The following HMGCLL1 variants were observed in gnomAD, a reference collection of about 807,000 sequenced individuals.
HMGCLL1 encodes 3-hydroxy-3-methylglutaryl-CoA lyase like 1, also known as 3-hydroxymethyl-3-methylglutaryl-CoA lyase, cytoplasmic.
In HMGCLL1, 36 loss-of-function variants were observed where a neutral mutation model predicts 39.1. The ratio of observed to expected loss-of-function variants is 0.92; its 90% CI spans 0.71 to 1.22. The LOEUF (loss-of-function observed/expected upper bound fraction) is 1.22, where lower values mean the gene tolerates loss of function less well. HMGCLL1 is among the 50% of genes most tolerant of loss of function. HMGCLL1 has a pLI of 0.00. For synonymous variants in HMGCLL1, 149 were observed against 144.0 expected, an observed-to-expected ratio of 1.03 and a Z score of -0.25; for missense variants, 451 against 416.5, an observed-to-expected ratio of 1.08 and a Z score of -0.72.
the HMGCLL1 span, among the ~76,000 whole-genome samples, chr6:55,602,243 T>C: frequency 6.6e-6 from 1 of 152,156 alleles, no homozygotes; most frequent in Non-Finnish European, 1.5e-5. Flanking sequence ...CTCATAGATC[T>C]TGTAGCTTGA....
At chr6:55,532,241 G>A (rs1768725796) in intron 3 of HMGCLL1, among the ~76,000 whole-genome samples, 2 of 152,098 alleles carry the variant, frequency 1.3e-5, no homozygotes, top group Non-Finnish European at 1.5e-5. Flanking sequence ...TAATCTTCGA[G>A]TATAATACTT....
the HMGCLL1 span, among the ~76,000 whole-genome samples, chr6:55,653,248 C>T: frequency 6.6e-6 from 1 of 151,922 alleles, no homozygotes; most frequent in African/African-American, 2.4e-5. Context: ...AAAGTTCTTC[C>T]CCAGTATTTT....
At chr6:55,623,623 G>GATATATACATAT in the HMGCLL1 span, among the ~76,000 whole-genome samples, 1 of 150,106 alleles carries the variant, frequency 6.7e-6, no homozygotes, top group Non-Finnish European at 1.5e-5. Context: ...GCCGAAGAGA[G>GATATATACATAT]ATATATACAT....
chr6:55,559,419 T>A (rs1413344520), intron 1 of HMGCLL1, among the ~76,000 whole-genome samples: 1 of 152,116 alleles, frequency 6.6e-6, no homozygotes, highest in Admixed American at 6.6e-5. Context: ...CATCCCCACA[T>A]CTGAGTGTGA....
the HMGCLL1 span, among the ~76,000 whole-genome samples, chr6:55,587,893 G>A: frequency 6.6e-6 from 1 of 152,114 alleles, no homozygotes; most frequent in South Asian, 2.1e-4. Flanking sequence ...GGAGCACCCA[G>A]ATTCATAAAG....
chr6:55,526,805 T>A (rs1461787305), intron 3 of HMGCLL1, among the ~76,000 whole-genome samples: 2 of 152,120 alleles, frequency 1.3e-5, no homozygotes, highest in East Asian at 3.9e-4. Context: ...TTCAGGCCCA[T>A]AAAATGGGGA....
intron 8 of HMGCLL1, among the ~76,000 whole-genome samples, chr6:55,436,766 A>T (rs1272822034): frequency 1.3e-5 from 2 of 152,052 alleles, no homozygotes; most frequent in African/African-American, 4.8e-5. Context: ...TAGAAATTGG[A>T]GACATTTCGA....
At chr6:55,656,072 C>T in the HMGCLL1 span, among the ~76,000 whole-genome samples, 5 of 151,960 alleles carry the variant, frequency 3.3e-5, no homozygotes, top group Non-Finnish European at 4.4e-5. Flanking sequence ...CTCTACTGAA[C>T]TCATGATTTA....
the HMGCLL1 span, among the ~76,000 whole-genome samples, chr6:55,627,049 G>GAAAAAAAAAAAA: frequency 1.0e-4 from 9 of 85,812 alleles, no homozygotes; most frequent in Non-Finnish European, 6.5e-5. Flanking sequence ...CACTCCACCA[G>GAAAAAAAAAAAA]AAAAAAAAAA....
At chr6:55,470,803 G>T (rs755461112) in intron 7 of HMGCLL1, among the ~76,000 whole-genome samples, 8 of 151,642 alleles carry the variant, frequency 5.3e-5, no homozygotes, top group Non-Finnish European at 1.0e-4. Context: ...GGGAAGCAAG[G>T]CACATCTTAT....
intron 3 of HMGCLL1, among the ~76,000 whole-genome samples, chr6:55,533,609 G>A (rs1450336595): frequency 2.6e-5 from 4 of 152,020 alleles, no homozygotes; most frequent in Admixed American, 2.0e-4. Flanking sequence ...AGACTCGGCC[G>A]GGCGCGGTGG....
chr6:55,499,734 T>G (rs1466665604), intron 5 of HMGCLL1, among the ~76,000 whole-genome samples: 2 of 152,078 alleles, frequency 1.3e-5, no homozygotes, highest in African/African-American at 4.8e-5. Context: ...CATCTGGATA[T>G]TTTGGCCTCA....
intron 3 of HMGCLL1, among the ~76,000 whole-genome samples, chr6:55,525,034 A>C (rs1161339105): frequency 6.6e-6 from 1 of 151,746 alleles, no homozygotes; most frequent in African/African-American, 2.4e-5. Context: ...AAACAGAGTA[A>C]AAATTGAGGA....
At chr6:55,627,881 T>TTATATATA in the HMGCLL1 span, among the ~76,000 whole-genome samples, 378 of 43,464 alleles carry the variant, frequency 8.7e-3, 35 homozygotes, top group Non-Finnish European at 0.014. Context: ...ATAAACTCCC[T>TTATATATA]TATATATATA....
At chr6:55,673,277 G>A in the HMGCLL1 span, among the ~76,000 whole-genome samples, 1 of 151,932 alleles carries the variant, frequency 6.6e-6, no homozygotes, top group African/African-American at 2.4e-5. Context: ...TATTGGTATT[G>A]TCTAGAAGCA....
At chr6:55,599,552 C>T in the HMGCLL1 span, among the ~76,000 whole-genome samples, 1 of 152,074 alleles carries the variant, frequency 6.6e-6, no homozygotes, top group Non-Finnish European at 1.5e-5. Context: ...TTCTGATTCC[C>T]AAACTGCAAG....
chr6:55,620,196 T>C, the HMGCLL1 span, among the ~76,000 whole-genome samples: 1 of 152,170 alleles, frequency 6.6e-6, no homozygotes, highest in Admixed American at 6.6e-5. Flanking sequence ...TTTTTCTCTT[T>C]TGGCAATATA....
At chr6:55,664,726 T>C in the HMGCLL1 span, among the ~76,000 whole-genome samples, 1 of 151,656 alleles carries the variant, frequency 6.6e-6, no homozygotes, top group Non-Finnish European at 1.5e-5. Context: ...ATGAGATACA[T>C]TCAATTTGTT....
At chr6:55,608,715 TA>T in the HMGCLL1 span, among the ~76,000 whole-genome samples, 1 of 152,230 alleles carries the variant, frequency 6.6e-6, no homozygotes, top group African/African-American at 2.4e-5. Context: ...CCTAGGGCAT[TA>T]TAAATCTACT....
Sources: allele counts gnomAD v4.1 joint callset (sites outside exome capture counted in the v4.1 genomes callset), GRCh38; gene constraint gnomAD v4.1.1; transcripts MANE v1.5; gene names NCBI Gene and HGNC (gene_info 2026-07-23, HGNC 2026-07-21).